Variants in BCL7B observed in about 807,000 individuals in gnomAD.
BCL7B encodes B-cell CLL/lymphoma 7 protein family member B.
In BCL7B, 11 loss-of-function variants were observed where a neutral mutation model predicts 26.5. That is an observed-to-expected ratio of 0.42 (90% CI 0.26 to 0.69). The LOEUF (loss-of-function observed/expected upper bound fraction) is 0.69. BCL7B is among the 30% of genes least tolerant of loss of function. The pLI is 0.28. For missense variants in BCL7B, 215 were observed against 264.4 expected, an observed-to-expected ratio of 0.81 and a Z score of 1.30; for synonymous variants, 111 against 107.9, an observed-to-expected ratio of 1.03 and a Z score of -0.18.
chr7:73,547,223 G>A (rs1472608409), intron 2 of BCL7B, among the ~76,000 whole-genome samples: 6 of 152,166 alleles, frequency 3.9e-5, no homozygotes, highest in Admixed American at 3.3e-4. Flanking sequence ...AGCACTTTGG[G>A]AGGCCAAGAC....
Position 73,552,175 on chromosome 7 carries a change from T to C in BCL7B, c.160A>G (p.Ser54Gly), listed in dbSNP as rs782677644. 6.2e-7 allele frequency: 1 copy of C among 1,609,560 alleles called. No homozygotes were observed. Among genetic ancestry groups the C allele is most frequent in the Non-Finnish European group, 8.5e-7 (1 of 1,178,554 alleles). ...RIFKWVPVTD[S>G]KEKEKSKSNS... The stretch of plus-strand genomic sequence containing the variant: ...TTTTCTTCCACACTTACCTCCTTGC[T>C]GTCTGTCACAGGAACCCACTTAAAT... The change falls in exon 2 of 6, where the codon AGC becomes GGC. Residue 54 changes from serine (S) to glycine (G), a missense_variant. By Grantham distance (56) the Ser-to-Gly change is moderately conservative (BLOSUM62 0). Coordinates refer to ENST00000223368, the MANE Select transcript of BCL7B (RefSeq NM_001707.4).
intron 2 of BCL7B, among the ~76,000 whole-genome samples, chr7:73,545,069 A>G (rs1791904860): frequency 6.6e-6 from 1 of 151,906 alleles, no homozygotes; most frequent in Non-Finnish European, 1.5e-5. Context: ...AAAAAAGCCC[A>G]GAGTAAATCC....
intron 1 of BCL7B, 53 bp from the exon 2 acceptor site, chr7:73,552,295 T>C (rs1283677355): frequency 7.0e-7 from 1 of 1,437,272 alleles, no homozygotes; most frequent in African/African-American, 1.4e-5. Flanking sequence ...GTGTTTTCTG[T>C]TCATCACTTG....
chr7:73,548,170 C>G lies in BCL7B; in HGVS notation c.168+3997G>C, dbSNP rs555367442. Among the ~76,000 whole-genome samples, 6 of 152,146 alleles carry G rather than the reference C, an allele frequency of 3.9e-5. No individual in the cohort carries two copies. In the East Asian group the frequency reaches 1.2e-3, roughly 29 times the overall value. On this transcript the variant is annotated intron_variant, in intron 2 of 5. Transcript: ENST00000223368. ...CGAGCCTGGGCGCAGTGGCTCACGC[C>G]TGTAATCCCAGCACTTCGGAAGGCG...
chr7:73,556,065 T>G (rs551201996), intron 1 of BCL7B, among the ~76,000 whole-genome samples: 1 of 151,068 alleles, frequency 6.6e-6, no homozygotes, highest in African/African-American at 2.4e-5. Flanking sequence ...GGGTCAAAAA[T>G]GGGGAGAAGA....
chr7:73,550,106 A>G (rs1006569045), intron 2 of BCL7B, among the ~76,000 whole-genome samples: 1 of 152,236 alleles, frequency 6.6e-6, no homozygotes, highest in East Asian at 1.9e-4. Flanking sequence ...TTAAAAAACA[A>G]TTAGAAAAAA....
intron 2 of BCL7B, among the ~76,000 whole-genome samples, chr7:73,545,030 G>A (rs576308250): frequency 6.1e-4 from 93 of 151,388 alleles, no homozygotes; most frequent in Non-Finnish European, 1.2e-3. Flanking sequence ...TCCAACCTGG[G>A]CAACACAGTT....
rs1791551448 is a variant in BCL7B, at chr7:73,536,915, A to G, written c.*383T>C. On this transcript the variant is annotated 3_prime_UTR_variant, in exon 6 of 6. Transcript: ENST00000223368. ...CTACAGTCTCCGTTCAAGTTCAAGTAACCTGAGGCACGCTCTCTTCTAGAA... is the reference window on the plus strand; with the variant it reads ...CTACAGTCTCCGTTCAAGTTCAAGTGACCTGAGGCACGCTCTCTTCTAGAA... 5.8e-6 allele frequency: 1 copy of G among 173,422 alleles called. No homozygotes were observed. The highest frequency in any genetic ancestry group is 1.2e-5 in the Non-Finnish European group (1 of 80,770). 10.7% of individuals were successfully genotyped at this position (173,422 alleles called of 1,614,324 possible). A position where few individuals can be genotyped will look rare whatever the true frequency, so the allele number is the denominator to read the frequency against.
At chr7:73,542,657 G>A (rs1362883373) in intron 3 of BCL7B, among the ~76,000 whole-genome samples, 1 of 152,222 alleles carries the variant, frequency 6.6e-6, no homozygotes, top group Non-Finnish European at 1.5e-5. Context: ...GTACCTAGCA[G>A]GTAGGTGTAA....
chr7:73,537,091 C>G lies in BCL7B; in HGVS notation c.*207G>C, dbSNP rs1000115740. On this transcript the variant is annotated 3_prime_UTR_variant, in exon 6 of 6. Coordinates refer to ENST00000223368, the MANE Select transcript of BCL7B (RefSeq NM_001707.4). ...GGGGTGCAAAAAAGACATGAGCGCT[C>G]CTCTTCTCGGGAGCAAGTAGACACA... The G allele has an allele frequency of 4.2e-6, 2 of 478,152 alleles. No homozygotes were observed. The allele number at this position is 478,152 out of a possible 1,614,324, so 29.6% of individuals were successfully genotyped here. A position where few individuals can be genotyped will look rare whatever the true frequency, so the allele number is the denominator to read the frequency against.
At position 73,537,357 on chromosome 7, in the gene BCL7B, G is replaced by T; in HGVS notation, c.550C>A (p.Pro184Thr). The change falls in exon 6 of 6, where the codon CCC becomes ACC. Residue 184 changes from proline to threonine, a missense_variant. Physicochemically the swap from Pro to Thr is conservative, Grantham distance 38. Transcript: ENST00000223368. Reference protein sequence around the residue: ...VEEEEDSGAPPLKRFCVDQPT... With the variant: ...VEEEEDSGAPTLKRFCVDQPT... ...TGGTCCACACAGAAGCGCTTCAGGGGCGGGGCACCTGAGTCTTCCTCTTCC... is the reference window on the plus strand; with the variant it reads ...TGGTCCACACAGAAGCGCTTCAGGGTCGGGGCACCTGAGTCTTCCTCTTCC... 2 of 1,614,124 alleles carry T rather than the reference G, an allele frequency of 1.2e-6. No homozygotes were observed. Among genetic ancestry groups the T allele is most frequent in the South Asian group, 2.2e-5 (2 of 91,078 alleles).
chr7:73,547,094 G>A (rs1170428557), intron 2 of BCL7B, among the ~76,000 whole-genome samples: 6 of 152,134 alleles, frequency 3.9e-5, no homozygotes, highest in Admixed American at 3.9e-4. Context: ...GGAGGTTGCG[G>A]TGAGCTGAGA....
At chr7:73,544,823 C>G (rs954887041) in intron 2 of BCL7B, among the ~76,000 whole-genome samples, 1 of 151,968 alleles carries the variant, frequency 6.6e-6, no homozygotes, top group Non-Finnish European at 1.5e-5. Flanking sequence ...CTTGAGGAGG[C>G]GGAGGTGGGA....
chr7:73,553,307 T>TG (rs1393882969), intron 1 of BCL7B, among the ~76,000 whole-genome samples: 2 of 151,886 alleles, frequency 1.3e-5, no homozygotes, highest in Non-Finnish European at 2.9e-5. Flanking sequence ...CACCTGCTGC[T>TG]GGGGGGTATG....
At chr7:73,540,097 T>G in intron 3 of BCL7B, 45 bp from the exon 4 acceptor site, 2 of 1,586,628 alleles carry the variant, frequency 1.3e-6, no homozygotes, top group Non-Finnish European at 1.7e-6. Context: ...CGTGGTCATT[T>G]TCCTCAAGAG....
chr7:73,537,945 G>A lies in BCL7B; in HGVS notation c.505C>T (p.Leu169=). ...PTLTKEEPVP[L]ETQVVEEEED... ...AAGTGATTGCTTACCTGTGTCTCTAGTGGAACTGGTTCTTCCTTGGTGAGG... is the reference window on the plus strand; with the variant it reads ...AAGTGATTGCTTACCTGTGTCTCTAATGGAACTGGTTCTTCCTTGGTGAGG... Residue 169 remains leucine, a synonymous_variant, in exon 5 of 6, where the codon CTA becomes TTA. Transcript: ENST00000223368. 3 of 1,596,114 alleles carry A rather than the reference G, an allele frequency of 1.9e-6. No homozygotes were observed. The highest frequency in any genetic ancestry group is 2.6e-6 in the Non-Finnish European group (3 of 1,172,902).
chr7:73,553,878 A>G (rs1792267120), intron 1 of BCL7B, among the ~76,000 whole-genome samples: 1 of 151,822 alleles, frequency 6.6e-6, no homozygotes, highest in Admixed American at 6.6e-5. Flanking sequence ...CCAACTATCT[A>G]CACCAGATTA....
At position 73,537,311 on chromosome 7, in the gene BCL7B, G is replaced by A. The variant is rs782603452; in HGVS notation, c.596C>T (p.Ala199Val). ...CVDQPTVPQT[A>V]SES ...GCCGGGATGGTGCTAGCTTTCTGACGCCGTCTGCGGCACTGTGGGTTGGTC... is the reference window on the plus strand; with the variant it reads ...GCCGGGATGGTGCTAGCTTTCTGACACCGTCTGCGGCACTGTGGGTTGGTC... Residue 199 changes from alanine (A) to valine (V), a missense_variant, in exon 6 of 6, where the codon GCG (alanine) becomes GTG (valine). Ala to Val is a moderately conservative substitution (Grantham distance 64, BLOSUM62 0). Transcript: ENST00000223368. The A allele has an allele frequency of 2.5e-5, 41 of 1,613,886 alleles. No homozygotes were observed. Among genetic ancestry groups the A allele is most frequent in the Non-Finnish European group, 2.1e-5 (25 of 1,179,948 alleles).
Position 73,557,638 on chromosome 7 carries a change from C to T in BCL7B, c.-60G>A, listed in dbSNP as rs112778383. The T allele has an allele frequency of 0.064, 66,763 of 1,038,446 alleles. 2,303 individuals are homozygous for T. Among genetic ancestry groups the T allele is most frequent in the Non-Finnish European group, 0.073 (60,789 of 831,950 alleles). The allele number at this position is 1,038,446 out of a possible 1,614,324, so 64.3% of individuals were successfully genotyped here. On this transcript the variant is annotated 5_prime_UTR_variant, in exon 1 of 6. Coordinates refer to ENST00000223368, the MANE Select transcript of BCL7B (RefSeq NM_001707.4). The stretch of plus-strand genomic sequence containing the variant: ...CTCCCAAGACACCGGGGATCGCGCG[C>T]CTCACGCGCCGCCGCCCGCCCGCCG...
Sources: allele counts gnomAD v4.1 joint callset (sites outside exome capture counted in the v4.1 genomes callset), GRCh38; gene constraint gnomAD v4.1.1; transcripts MANE v1.5; gene names NCBI Gene and HGNC (gene_info 2026-07-23, HGNC 2026-07-21).